Variants in MYO15B observed in about 807,000 individuals in gnomAD.
MYO15B encodes myosin XVB pseudogene.
Under a neutral mutation model 119.3 loss-of-function variants are expected in MYO15B, and 207 were observed. The observed-to-expected ratio is 1.73, with a 90% CI of 1.55 to 1.95. MYO15B has a LOEUF of 1.95. Among genes scored for constraint, MYO15B ranks in the 30% most tolerant of loss-of-function variants. MYO15B has a pLI of 0.00. For missense variants in MYO15B, 2,264 were observed against 1,203.1 expected (o/e 1.88, Z -13.04); for synonymous variants, 966 against 498.9 (o/e 1.94, Z -12.48).
exon 42 of MYO15B, chr17:75,617,914 C>A (rs149627098): frequency 2.8e-6 from 2 of 702,730 alleles, no homozygotes; most frequent in Non-Finnish European, 5.2e-6. Flanking sequence ...GTTGTTCCTA[C>A]GCAAGGAGGT....
intron 14 of MYO15B, among the ~76,000 whole-genome samples, chr17:75,597,786 T>G (rs984887805): frequency 6.6e-6 from 1 of 152,124 alleles, no homozygotes; most frequent in Non-Finnish European, 1.5e-5. Context: ...TGTGGTGGTG[T>G]GAGCCTATAG....
Position 75,626,475 on chromosome 17 carries a change from CATCA to C in MYO15B, c.9284_9287del (p.Ile3095ThrfsTer34). The C allele has an allele frequency of 1.4e-6, 1 of 703,264 alleles. No individual in the cohort carries two copies. Among genetic ancestry groups the C allele is most frequent in the Non-Finnish European group, 2.6e-6 (1 of 385,068 alleles). 43.6% of individuals were successfully genotyped at this position (703,264 alleles called of 1,614,324 possible). ...GTGCCTCTTGCACTGAGTGGCCCAGCATCAACTGAGAGGAGTGCAGGCCGGGGAG... is the reference window on the plus strand; with the variant it reads ...GTGCCTCTTGCACTGAGTGGCCCAGCACTGAGAGGAGTGCAGGCCGGGGAG... On this transcript the variant is annotated frameshift_variant, in exon 64 of 64. Coordinates refer to ENST00000645453, the Ensembl canonical transcript of MYO15B. LOFTEE classifies it high-confidence loss of function.
At chr17:75,618,259 G>A in intron 43 of MYO15B, 74 bp downstream of exon 43, 1 of 697,900 alleles carries the variant, frequency 1.4e-6, no homozygotes, top group Non-Finnish European at 2.6e-6. Context: ...TCTAATGGCT[G>A]GGCCAGGTTA....
intron 9 of MYO15B, among the ~76,000 whole-genome samples, chr17:75,593,368 C>G (rs1207595561): frequency 6.6e-6 from 1 of 151,978 alleles, no homozygotes; most frequent in African/African-American, 2.4e-5. Context: ...TAGGCCAAGG[C>G]GAGCAGATCA....
rs1598692886 is a variant in MYO15B at position 75,591,287 on chromosome 17, C to T, written c.2435+41C>T. On this transcript the variant is annotated intron_variant, in intron 4 of 63. Coordinates refer to ENST00000645453, the Ensembl canonical transcript of MYO15B. ...CCTGGGTGGCTGAACCCATGGGCCACACTGAGGGTTGATGGGGCGGGGCCT... is the reference window on the plus strand; with the variant it reads ...CCTGGGTGGCTGAACCCATGGGCCATACTGAGGGTTGATGGGGCGGGGCCT... 16 of 701,094 alleles carry T rather than the reference C, an allele frequency of 2.3e-5. No homozygotes were observed. The East Asian group carries it at 4.0e-4, about 18-fold the overall frequency. The allele number at this position is 701,094 out of a possible 1,614,324, so 43.4% of individuals were successfully genotyped here. A position where few individuals can be genotyped will look rare whatever the true frequency, so the allele number is the denominator to read the frequency against.
chr17:75,591,459 T>G, intron 4 of MYO15B, 142 bp from the exon 5 acceptor site: 1 of 635,266 alleles, frequency 1.6e-6, no homozygotes, highest in Non-Finnish European at 2.8e-6. Flanking sequence ...GGTCTCTCCA[T>G]GCCCTGGGAC....
intron 1 of MYO15B, 74 bp downstream of exon 1, chr17:75,590,317 G>T (rs1343982172): frequency 2.5e-6 from 1 of 398,912 alleles, no homozygotes; most frequent in Non-Finnish European, 4.4e-6. Context: ...TCATCTTTAT[G>T]AATTGCGTGT....
intron 59 of MYO15B, 83 bp downstream of exon 59, chr17:75,624,999 C>A: frequency 1.5e-6 from 1 of 678,938 alleles, no homozygotes; most frequent in Non-Finnish European, 2.7e-6. Flanking sequence ...CCTCTCCCCA[C>A]AAGGGTGTGG....
chr17:75,613,210 G>GT lies in MYO15B; in HGVS notation c.4967+2dup, dbSNP rs1426819222. ...CTGTCCTACAGAAGCCACTGCTCAA[G>GT]TAAGGGGCCTGGGAGGTGGGGACCT... On this transcript the variant is annotated splice_donor_variant, in intron 27 of 63. Coordinates refer to ENST00000645453, the Ensembl canonical transcript of MYO15B. LOFTEE classifies it high-confidence loss of function. 2 of 691,038 alleles carry GT rather than the reference G, an allele frequency of 2.9e-6. No individual in the cohort carries two copies. Among genetic ancestry groups the GT allele is most frequent in the Non-Finnish European group, 5.3e-6 (2 of 375,608 alleles). The allele number at this position is 691,038 out of a possible 1,614,324, so 42.8% of individuals were successfully genotyped here. A position where few individuals can be genotyped will look rare whatever the true frequency, so the allele number is the denominator to read the frequency against.
At chr17:75,626,562 C>CTA in exon 64 of MYO15B, 1 of 697,728 alleles carries the variant, frequency 1.4e-6, no homozygotes, top group East Asian at 2.7e-5. Flanking sequence ...GCCTTGGATG[C>CTA]TATCAGATCA....
At chr17:75,620,469 T>A (rs1241831438) in exon 49 of MYO15B, 2 of 702,516 alleles carry the variant, frequency 2.8e-6, no homozygotes, top group Non-Finnish European at 2.6e-6. Context: ...CCTTCCAGGC[T>A]GGCAGTTTGG....
chr17:75,620,523 C>T lies in MYO15B; in HGVS notation c.7612C>T (p.Gln2538Ter), dbSNP rs897725916. ...CGGACTCTTTCCTGCCGACATAGTG[C>T]AGCCGGCTGCCGCTCCCGACTTTTC... Residue 2538 changes from glutamine (Q) to a stop codon, truncating the protein, a stop_gained, in exon 49 of 64, where the codon CAG (glutamine) becomes TAG (stop). Transcript: ENST00000645453. LOFTEE classifies it high-confidence loss of function. 5 of 702,716 alleles carry T rather than the reference C, an allele frequency of 7.1e-6. No homozygotes were observed. The highest frequency in any genetic ancestry group is 1.3e-5 in the Non-Finnish European group (5 of 384,998). 43.5% of individuals were successfully genotyped at this position (702,716 alleles called of 1,614,324 possible).
rs2147977179 is a variant in MYO15B at position 75,612,027 on chromosome 17, AGGCCTAAGCTCTTCCCG to A, written c.4635+12_4635+28del. 2 of 702,844 alleles carry A rather than the reference AGGCCTAAGCTCTTCCCG, an allele frequency of 2.8e-6. No homozygotes were observed. The highest frequency in any genetic ancestry group is 5.2e-6 in the Non-Finnish European group (2 of 384,922). 43.5% of individuals were successfully genotyped at this position (702,844 alleles called of 1,614,324 possible). ...GCCATCGGCTTTCAGGTGGGCGCCC[AGGCCTAAGCTCTTCCCG>A]CTGGCCTCACCGCTCTGAGTTAGCA... On this transcript the variant is annotated intron_variant, in intron 25 of 63. Coordinates refer to ENST00000645453, the Ensembl canonical transcript of MYO15B.
In MYO15B at chr17:75,591,649, C is replaced by CA. The variant is rs2056459702; in HGVS notation, c.2489dup (p.Ile831AspfsTer68). 1 of 702,880 alleles carries CA rather than the reference C, an allele frequency of 1.4e-6. No homozygotes were observed. The highest frequency in any genetic ancestry group is 2.6e-6 in the Non-Finnish European group (1 of 384,964). 43.5% of individuals were successfully genotyped at this position (702,880 alleles called of 1,614,324 possible). A position where few individuals can be genotyped will look rare whatever the true frequency, so the allele number is the denominator to read the frequency against. ...GTGGCTCAGGGAAGACGGAAGCCGC[C>CA]AAAAAGATCATGCAGTTCCTAAGCA... On this transcript the variant is annotated frameshift_variant, in exon 5 of 64. Transcript: ENST00000645453. LOFTEE classifies it high-confidence loss of function.
rs1568159805 is a variant in MYO15B at position 75,605,904 on chromosome 17, TC to T, written c.4177del (p.Arg1393GlyfsTer52). Reference sequence around the variant, plus strand: ...CAGGGCTGGCAGCGGCTGGAGGAGCTCCGGGACCAGCAGCGCTCCCAGGCCC... The same window carrying T: ...CAGGGCTGGCAGCGGCTGGAGGAGCTCGGGACCAGCAGCGCTCCCAGGCCC... On this transcript the variant is annotated frameshift_variant, in exon 21 of 64. Coordinates refer to ENST00000645453, the Ensembl canonical transcript of MYO15B. LOFTEE classifies it high-confidence loss of function. 1.4e-6 allele frequency: 1 copy of T among 702,138 alleles called. No homozygotes were observed. The highest frequency in any genetic ancestry group is 1.5e-5 in the South Asian group (1 of 67,520). 43.5% of individuals were successfully genotyped at this position (702,138 alleles called of 1,614,324 possible).
rs2057611017 is a variant in MYO15B, at chr17:75,605,850, C to G, written c.4135-14C>G. 1.5e-6 allele frequency: 1 copy of G among 681,130 alleles called. No individual in the cohort carries two copies. The allele number at this position is 681,130 out of a possible 1,614,324, so 42.2% of individuals were successfully genotyped here. On this transcript the variant is annotated splice_polypyrimidine_tract_variant and intron_variant, in intron 20 of 63. Transcript: ENST00000645453. ...CTCCTGGCTCCTGCCTACAGCCCACCCCTCTACCCACAGGTCCTGCTGCAG... is the reference window on the plus strand; with the variant it reads ...CTCCTGGCTCCTGCCTACAGCCCACGCCTCTACCCACAGGTCCTGCTGCAG...
In MYO15B at chr17:75,620,035, C is replaced by T. The variant is rs146304900; in HGVS notation, c.7443+15C>T. 54 of 695,070 alleles carry T rather than the reference C, an allele frequency of 7.8e-5. 1 individual carries two copies. The highest frequency in any genetic ancestry group is 7.4e-4 in the South Asian group (49 of 66,184). 43.1% of individuals were successfully genotyped at this position (695,070 alleles called of 1,614,324 possible). On this transcript the variant is annotated intron_variant, in intron 47 of 63. Coordinates refer to ENST00000645453, the Ensembl canonical transcript of MYO15B. ...AGCTTAAGAAGGTAAGTGTGGGGCACGGGTTGAGAGGCCGGGCAGACAGCC... is the reference window on the plus strand; with the variant it reads ...AGCTTAAGAAGGTAAGTGTGGGGCATGGGTTGAGAGGCCGGGCAGACAGCC...
At position 75,593,078 on chromosome 17, in the gene MYO15B, G is replaced by C; in HGVS notation, c.2991+238G>C. The C allele has an allele frequency of 8.7e-6, 4 of 459,568 alleles. No homozygotes were observed. In the South Asian group the frequency reaches 1.3e-4, roughly 15 times the overall value. The allele number at this position is 459,568 out of a possible 1,614,324, so 28.5% of individuals were successfully genotyped here. A position where few individuals can be genotyped will look rare whatever the true frequency, so the allele number is the denominator to read the frequency against. ...CATCTGGCATTAGATGAGCAGCTATGGTCAGGCATGGTGGGTCACACCTGT... is the reference window on the plus strand; with the variant it reads ...CATCTGGCATTAGATGAGCAGCTATCGTCAGGCATGGTGGGTCACACCTGT... On this transcript the variant is annotated intron_variant, in intron 9 of 63. Coordinates refer to ENST00000645453, the Ensembl canonical transcript of MYO15B.
intron 25 of MYO15B, among the ~76,000 whole-genome samples, chr17:75,612,324 A>G (rs1447092816): frequency 6.6e-6 from 1 of 152,192 alleles, no homozygotes. Context: ...AAGAATGTTT[A>G]TTGACAAGGG....
Sources: gnomAD v4.1 joint callset for allele counts (sites outside exome capture counted in the v4.1 genomes callset) on GRCh38, gnomAD v4.1.1 for gene constraint, MANE v1.5 for transcripts, NCBI Gene and HGNC (gene_info 2026-07-23, HGNC 2026-07-21) for gene names.